Variants in IL1RAPL1 observed in about 807,000 individuals in gnomAD.
IL1RAPL1 encodes the protein interleukin-1 receptor accessory protein-like 1.
Under a neutral mutation model 48.4 loss-of-function variants are expected in IL1RAPL1, and 3 were observed. The observed-to-expected ratio is 0.06, with a 90% CI of 0.03 to 0.16. IL1RAPL1 has a LOEUF of 0.16. Ranked by LOEUF, IL1RAPL1 falls within the 10% of genes least tolerant of loss-of-function variation. The pLI is 1.00. For missense variants in IL1RAPL1, 349 were observed against 530.6 expected, an observed-to-expected ratio of 0.66 and a Z score of 3.36; for synonymous variants, 185 against 187.7, an observed-to-expected ratio of 0.99 and a Z score of 0.12.
At chrX:29,541,724 A>G (rs1252683905) in intron 5 of IL1RAPL1, among the ~76,000 whole-genome samples, 1 of 111,321 alleles carries the variant, frequency 9.0e-6, no homozygotes, top group Non-Finnish European at 1.9e-5. Flanking sequence ...TGCAAGTGGG[A>G]GCTAACCATT....
At chrX:28,600,737 C>T (rs2146878361) in intron 1 of IL1RAPL1, among the ~76,000 whole-genome samples, 1 of 111,594 alleles carries the variant, frequency 9.0e-6, no homozygotes, top group East Asian at 2.8e-4. Flanking sequence ...TAGCATTAGC[C>T]AGTCTATGAT....
At chrX:28,716,874 G>T (rs1180516815) in intron 1 of IL1RAPL1, among the ~76,000 whole-genome samples, 1 of 111,493 alleles carries the variant, frequency 9.0e-6, no homozygotes, top group Non-Finnish European at 1.9e-5. Flanking sequence ...CTCAAAGGAA[G>T]GCAGACACAT....
At chrX:29,798,199 C>T (rs1439947947) in intron 6 of IL1RAPL1, among the ~76,000 whole-genome samples, 4 of 112,008 alleles carry the variant, frequency 3.6e-5, no homozygotes, top group Non-Finnish European at 7.5e-5. Context: ...AGTTCTTAGT[C>T]GGTCTGCCGT....
At chrX:29,274,500 G>T (rs1162599827) in intron 2 of IL1RAPL1, among the ~76,000 whole-genome samples, 1 of 111,895 alleles carries the variant, frequency 8.9e-6, no homozygotes, top group Admixed American at 9.5e-5. Flanking sequence ...AATCAAATAG[G>T]CAATTAATCT....
intron 2 of IL1RAPL1, among the ~76,000 whole-genome samples, chrX:28,809,537 C>T (rs1936767765): frequency 9.1e-6 from 1 of 110,287 alleles, no homozygotes; most frequent in Non-Finnish European, 1.9e-5. Flanking sequence ...AAACAAGACA[C>T]ATTTAAGAAA....
chrX:28,864,354 C>A lies in IL1RAPL1; in HGVS notation c.82+74929C>A, dbSNP rs1001613327. On this transcript the variant is annotated intron_variant, in intron 2 of 10. Transcript: ENST00000378993. ...ATTTTTTGAGTGCCTATACCATGTC[C>A]AGGTTAAGTTTTTCTACTCTAATGG... is the stretch of plus-strand genomic sequence containing the variant. Among the ~76,000 whole-genome samples, 5 of 111,843 alleles carry A rather than the reference C, an allele frequency of 4.5e-5. No homozygotes were observed. The South Asian group carries it at 1.8e-3, about 41-fold the overall frequency.
intron 5 of IL1RAPL1, among the ~76,000 whole-genome samples, chrX:29,530,309 A>G (rs1406930841): frequency 1.8e-5 from 2 of 111,615 alleles, no homozygotes; most frequent in Non-Finnish European, 3.8e-5. Flanking sequence ...CAAGGTTTCA[A>G]GTTCACATAG....
chrX:29,902,918 T>C (rs1932523512), intron 6 of IL1RAPL1, among the ~76,000 whole-genome samples: 3 of 111,353 alleles, frequency 2.7e-5, no homozygotes, highest in African/African-American at 9.8e-5. Flanking sequence ...CCTCTTGTGA[T>C]TTTGTCTCCT....
chrX:28,762,786 G>GCGCGCGCACACA (rs1366464632), intron 1 of IL1RAPL1, among the ~76,000 whole-genome samples: 17 of 62,999 alleles, frequency 2.7e-4, no homozygotes, highest in African/African-American at 1.0e-3. Context: ...GCACGCGCGC[G>GCGCGCGCACACA]CACACACACA....
At chrX:29,479,253 C>T (rs899017059) in intron 5 of IL1RAPL1, among the ~76,000 whole-genome samples, 3 of 106,746 alleles carry the variant, frequency 2.8e-5, no homozygotes, top group Admixed American at 1.0e-4. Context: ...CTACGAAATA[C>T]AAATAAAAAT....
At chrX:29,066,458 G>A (rs983583891) in intron 2 of IL1RAPL1, among the ~76,000 whole-genome samples, 24 of 112,027 alleles carry the variant, frequency 2.1e-4, no homozygotes, top group Admixed American at 2.1e-3. Context: ...TGGATAATAC[G>A]TTGGGGTATA....
At chrX:29,787,886 G>C (rs144573686) in intron 6 of IL1RAPL1, among the ~76,000 whole-genome samples, 2,964 of 111,874 alleles carry the variant, frequency 0.026, 74 homozygotes, top group African/African-American at 0.091. Flanking sequence ...AGCTATTCAA[G>C]GGTCATATTG....
At chrX:29,316,764 G>A (rs1430843679) in intron 3 of IL1RAPL1, among the ~76,000 whole-genome samples, 4 of 111,713 alleles carry the variant, frequency 3.6e-5, no homozygotes, top group South Asian at 7.5e-4. Context: ...AGATAAGGAA[G>A]TCTGTTAATC....
chrX:29,293,763 C>A (rs767564557), intron 3 of IL1RAPL1, among the ~76,000 whole-genome samples: 1 of 111,183 alleles, frequency 9.0e-6, no homozygotes, highest in Admixed American at 9.6e-5. Context: ...CCCAACAGGA[C>A]TTTATTGGTG....
chrX:29,606,137 T>G (rs1923884638), intron 5 of IL1RAPL1, among the ~76,000 whole-genome samples: 1 of 112,027 alleles, frequency 8.9e-6, no homozygotes, highest in Non-Finnish European at 1.9e-5. Flanking sequence ...CTTTGGATGT[T>G]TAAGAAAAAA....
At chrX:29,844,091 A>G (rs1198406321) in intron 6 of IL1RAPL1, among the ~76,000 whole-genome samples, 1 of 111,996 alleles carries the variant, frequency 8.9e-6, no homozygotes, top group Non-Finnish European at 1.9e-5. Context: ...TGAATTATTC[A>G]GCACCAATAC....
intron 2 of IL1RAPL1, among the ~76,000 whole-genome samples, chrX:29,141,979 T>G (rs1378646916): frequency 8.9e-6 from 1 of 112,047 alleles, no homozygotes; most frequent in Non-Finnish European, 1.9e-5. Flanking sequence ...AAACAATATT[T>G]TCTTTAGTTT....
rs921303401 is a variant in IL1RAPL1, at chrX:28,798,707, A to G, written c.82+9282A>G. 3.6e-5 allele frequency among the ~76,000 whole-genome samples: 4 copies of G among 112,250 alleles called. No individual in the cohort carries two copies. The Admixed American group carries it at 3.8e-4, about 11-fold the overall frequency. On this transcript the variant is annotated intron_variant, in intron 2 of 10. Transcript: ENST00000378993. The stretch of plus-strand genomic sequence containing the variant: ...AAGACTAGAGCAAGAATTGTCAGCC[A>G]GGAGCCAGATGGGAATGGAAGAGAA...
At chrX:29,496,469 C>CTTTTTTT (rs60141942) in intron 5 of IL1RAPL1, among the ~76,000 whole-genome samples, 1 of 73,286 alleles carries the variant, frequency 1.4e-5, no homozygotes, top group Non-Finnish European at 2.5e-5. Flanking sequence ...TTTCTTATTC[C>CTTTTTTT]TTTTTTTTTT....
Sources: gnomAD v4.1 joint callset for allele counts (sites outside exome capture counted in the v4.1 genomes callset) on GRCh38, gnomAD v4.1.1 for gene constraint, MANE v1.5 for transcripts, NCBI Gene and HGNC (gene_info 2026-07-23, HGNC 2026-07-21) for gene names.